The following SCFD2 variants were observed in gnomAD, a reference collection of about 807,000 sequenced individuals.
SCFD2 encodes sec1 family domain containing 2, also known as sec1 family domain-containing protein 2.
SCFD2 carries 54 observed loss-of-function variants against 58.9 expected under a neutral mutation model. The ratio of observed to expected loss-of-function variants is 0.92; its 90% CI spans 0.74 to 1.15. SCFD2 has a LOEUF of 1.15. SCFD2 is among the 50% of genes most tolerant of loss of function. The pLI, the probability that SCFD2 is intolerant of heterozygous loss-of-function variation, is 0.00. For synonymous variants in SCFD2, 321 were observed against 335.9 expected (o/e 0.96, Z 0.49); for missense variants, 805 against 836.6 (o/e 0.96, Z 0.47).
intron 5 of SCFD2, among the ~76,000 whole-genome samples, chr4:53,057,876 C>T (rs941768218): frequency 1.3e-5 from 2 of 152,012 alleles, no homozygotes; most frequent in African/African-American, 4.8e-5. Flanking sequence ...TTACCAACAC[C>T]AGCATCTGGC....
chr4:53,227,847 G>A (rs1285510218), intron 4 of SCFD2, among the ~76,000 whole-genome samples: 2 of 152,214 alleles, frequency 1.3e-5, no homozygotes, highest in Non-Finnish European at 2.9e-5. Flanking sequence ...TGTATGTACA[G>A]ATGATTTGCT....
intron 2 of SCFD2, among the ~76,000 whole-genome samples, chr4:53,326,724 A>G (rs1179962918): frequency 6.6e-6 from 1 of 152,112 alleles, no homozygotes; most frequent in Non-Finnish European, 1.5e-5. Flanking sequence ...GAATGAAAAC[A>G]CAAACCAACC....
At chr4:53,157,585 T>G (rs1467098737) in intron 4 of SCFD2, among the ~76,000 whole-genome samples, 3 of 151,684 alleles carry the variant, frequency 2.0e-5, no homozygotes, top group Non-Finnish European at 2.9e-5. Context: ...TTAAAAATAT[T>G]TTCAAAAATA....
chr4:53,215,220 T>G (rs1480818696), intron 4 of SCFD2, among the ~76,000 whole-genome samples: 1 of 152,254 alleles, frequency 6.6e-6, no homozygotes, highest in East Asian at 1.9e-4. Context: ...GGGGATGGCA[T>G]TGAATCTATA....
chr4:53,227,669 C>A (rs1729267079), intron 4 of SCFD2, among the ~76,000 whole-genome samples: 1 of 152,062 alleles, frequency 6.6e-6, no homozygotes, highest in African/African-American at 2.4e-5. Context: ...ACCCATCAGT[C>A]ATAATATATG....
chr4:53,097,068 G>A (rs955028608), intron 5 of SCFD2, among the ~76,000 whole-genome samples: 2 of 152,014 alleles, frequency 1.3e-5, no homozygotes, highest in African/African-American at 2.4e-5. Flanking sequence ...TGTTCCATTG[G>A]TCTATATCTC....
intron 4 of SCFD2, among the ~76,000 whole-genome samples, chr4:53,209,085 G>T (rs1413392488): frequency 6.6e-6 from 1 of 152,104 alleles, no homozygotes; most frequent in Non-Finnish European, 1.5e-5. Flanking sequence ...CTAAAACCAG[G>T]AAAGTTCCAG....
intron 5 of SCFD2, among the ~76,000 whole-genome samples, chr4:53,137,365 A>G (rs1416420945): frequency 6.6e-6 from 1 of 152,246 alleles, no homozygotes; most frequent in East Asian, 1.9e-4. Context: ...CCATGATGAT[A>G]AAAACCACAC....
chr4:52,998,724 T>C (rs2148799152), intron 5 of SCFD2, among the ~76,000 whole-genome samples: 1 of 152,238 alleles, frequency 6.6e-6, no homozygotes, highest in South Asian at 2.1e-4. Context: ...GGACTGCGCA[T>C]TTACTCCTGA....
rs987531470 is a variant in SCFD2, at chr4:52,896,013, GT to G, written c.1843-10148del. Among the ~76,000 whole-genome samples the G allele has an allele frequency of 1.3e-3, 197 of 152,162 alleles. 1 individual carries two copies. The Middle Eastern group carries it at 0.014, about 11-fold the overall frequency. On this transcript the variant is annotated intron_variant, in intron 7 of 8. Coordinates refer to ENST00000401642, the MANE Select transcript of SCFD2 (RefSeq NM_152540.4). ...GGCCCACTTTTTGATGGGGTTGTTT[GT>G]TTTTTTCTTGTAAATTTGTTGGAGT...
intron 5 of SCFD2, among the ~76,000 whole-genome samples, chr4:53,015,839 C>A (rs1465327945): frequency 6.6e-6 from 1 of 152,168 alleles, no homozygotes; most frequent in African/African-American, 2.4e-5. Context: ...GAGTGGGCTT[C>A]TCTTATTGTA....
At chr4:52,916,906 T>A (rs921866426) in intron 6 of SCFD2, among the ~76,000 whole-genome samples, 3 of 152,172 alleles carry the variant, frequency 2.0e-5, no homozygotes, top group Non-Finnish European at 4.4e-5. Flanking sequence ...AAGTTTTTTG[T>A]TTTTTGTTTT....
At chr4:52,908,401 C>G (rs1719397699) in intron 6 of SCFD2, among the ~76,000 whole-genome samples, 1 of 152,170 alleles carries the variant, frequency 6.6e-6, no homozygotes, top group Non-Finnish European at 1.5e-5. Context: ...CTTGGTGGAC[C>G]ACCTTCCTCC....
At chr4:53,112,698 C>T (rs987801882) in intron 5 of SCFD2, among the ~76,000 whole-genome samples, 13 of 152,142 alleles carry the variant, frequency 8.5e-5, no homozygotes, top group Admixed American at 8.5e-4. Flanking sequence ...CCAAGTCCTA[C>T]TTTCCTCACT....
intron 4 of SCFD2, among the ~76,000 whole-genome samples, chr4:53,231,059 G>A (rs1729421614): frequency 6.6e-6 from 1 of 152,066 alleles, no homozygotes. Flanking sequence ...AATAAGCCAT[G>A]CTACAACTGA....
rs567921052 is a variant in SCFD2 at position 53,301,956 on chromosome 4, A to G, written c.1135+11680T>C. Among the ~76,000 whole-genome samples the G allele has an allele frequency of 1.8e-4, 27 of 152,340 alleles. No homozygotes were observed. In the East Asian group the frequency reaches 5.2e-3, roughly 29 times the overall value. On this transcript the variant is annotated intron_variant, in intron 3 of 8. Coordinates refer to ENST00000401642, the MANE Select transcript of SCFD2 (RefSeq NM_152540.4). The stretch of plus-strand genomic sequence containing the variant: ...AGGTATTGATGGGACGTATCTCAAA[A>G]TAATAAGAGCTATCTATGACAAACC...
At chr4:53,280,153 A>G (rs1270865899) in intron 3 of SCFD2, among the ~76,000 whole-genome samples, 3 of 152,222 alleles carry the variant, frequency 2.0e-5, no homozygotes, top group Non-Finnish European at 4.4e-5. Context: ...TTATTCTATC[A>G]TACCCAGTCT....
intron 2 of SCFD2, among the ~76,000 whole-genome samples, chr4:53,322,357 C>G (rs981219283): frequency 6.6e-6 from 1 of 152,214 alleles, no homozygotes; most frequent in East Asian, 1.9e-4. Flanking sequence ...CCACCAGCAC[C>G]ATGACAGTTT....
rs189487769 is a variant in SCFD2, at chr4:52,976,889, T to A, written c.1562-56019A>T. 2.4e-3 allele frequency among the ~76,000 whole-genome samples: 373 copies of A among 152,292 alleles called. 1 individual carries two copies. Among genetic ancestry groups the A allele is most frequent in the Non-Finnish European group, 4.7e-3 (320 of 68,016 alleles). On this transcript the variant is annotated intron_variant, in intron 5 of 8. Transcript: ENST00000401642. Reference sequence around the variant, plus strand: ...CTGGTTCCACCATTTACTAGCTGGATAATGTTAGGCAAGTTATTTTACCTC... The same window carrying A: ...CTGGTTCCACCATTTACTAGCTGGAAAATGTTAGGCAAGTTATTTTACCTC...
Sources: gnomAD v4.1 joint callset for allele counts (sites outside exome capture counted in the v4.1 genomes callset) on GRCh38, gnomAD v4.1.1 for gene constraint, MANE v1.5 for transcripts, NCBI Gene and HGNC (gene_info 2026-07-23, HGNC 2026-07-21) for gene names.